DPP6: variants seen among roughly 807,000 people sequenced by gnomAD.
DPP6 encodes the protein A-type potassium channel modulatory protein DPP6.
In DPP6, 69 loss-of-function variants were observed where a neutral mutation model predicts 122.6. The ratio of observed to expected loss-of-function variants is 0.56; its 90% CI spans 0.46 to 0.69. DPP6 has a LOEUF of 0.69. Among genes scored for constraint, DPP6 ranks in the 30% least tolerant of loss-of-function variants. The pLI is 0.00. For synonymous variants in DPP6, 418 were observed against 433.1 expected (o/e 0.97, Z 0.43); for missense variants, 928 against 1,116.9 (o/e 0.83, Z 2.41).
chr7:154,017,658 C>T (rs1347107881), intron 1 of DPP6, among the ~76,000 whole-genome samples: 1 of 148,744 alleles, frequency 6.7e-6, no homozygotes, highest in Admixed American at 6.7e-5. Context: ...TATGATGGCA[C>T]CACTGCACTC....
the DPP6 span, among the ~76,000 whole-genome samples, chr7:153,797,932 T>C: frequency 6.6e-6 from 1 of 152,032 alleles, no homozygotes; most frequent in Non-Finnish European, 1.5e-5. Context: ...AGCTCCGCCT[T>C]CTGGGTTCAC....
At chr7:154,552,990 G>T (rs1026182650) in intron 4 of DPP6, among the ~76,000 whole-genome samples, 1 of 152,180 alleles carries the variant, frequency 6.6e-6, no homozygotes, top group South Asian at 2.1e-4. Context: ...TTTACTCAGG[G>T]ACAAGATGTC....
At chr7:154,806,722 G>T (rs1478144433) in intron 15 of DPP6, among the ~76,000 whole-genome samples, 1 of 152,216 alleles carries the variant, frequency 6.6e-6, no homozygotes, top group African/African-American at 2.4e-5. Flanking sequence ...AGAGCCTGGA[G>T]AAGGCAGCAT....
chr7:153,854,806 T>C, the DPP6 span, among the ~76,000 whole-genome samples: 9 of 91,692 alleles, frequency 9.8e-5, no homozygotes, highest in Admixed American at 2.5e-4. Context: ...TATTGCGGCA[T>C]TATTCACAAT....
intron 1 of DPP6, among the ~76,000 whole-genome samples, chr7:154,144,889 G>A (rs2150669957): frequency 6.6e-6 from 1 of 151,074 alleles, no homozygotes; most frequent in South Asian, 2.1e-4. Flanking sequence ...AACCCCTCCA[G>A]CACCTTGACC....
At chr7:154,235,945 C>T (rs765250849) in intron 1 of DPP6, among the ~76,000 whole-genome samples, 4 of 152,112 alleles carry the variant, frequency 2.6e-5, no homozygotes, top group South Asian at 2.1e-4. Context: ...CTCTGTCTCC[C>T]GGGTTTAAGA....
intron 1 of DPP6, among the ~76,000 whole-genome samples, chr7:154,245,761 A>G (rs1801946457): frequency 1.3e-5 from 2 of 152,204 alleles, no homozygotes; most frequent in South Asian, 2.1e-4. Flanking sequence ...TTAGAAAGAT[A>G]TAAACATCTA....
chr7:154,302,215 C>G (rs1482090641), intron 1 of DPP6, among the ~76,000 whole-genome samples: 3 of 152,168 alleles, frequency 2.0e-5, no homozygotes, highest in Admixed American at 6.5e-5. Flanking sequence ...CAACCACTAC[C>G]CTGTTCCTTT....
intron 25 of DPP6, chr7:154,889,971 C>T (rs868852788): frequency 7.8e-4 from 135 of 173,428 alleles, no homozygotes; most frequent in Middle Eastern, 5.4e-3. Context: ...TTACTACGCA[C>T]TAGCAGGATG....
intron 10 of DPP6, among the ~76,000 whole-genome samples, chr7:154,775,000 G>A (rs549423673): frequency 6.6e-6 from 1 of 152,292 alleles, no homozygotes; most frequent in East Asian, 1.9e-4. Flanking sequence ...GTGCTGTAGG[G>A]GGCAGTCCTG....
chr7:154,220,674 G>A (rs570546815), intron 1 of DPP6, among the ~76,000 whole-genome samples: 17 of 152,306 alleles, frequency 1.1e-4, no homozygotes, highest in South Asian at 4.1e-4. Context: ...CTGGATCTTG[G>A]AATTCCAGCC....
chr7:153,897,663 A>G (rs1286524423), intron 1 of DPP6, among the ~76,000 whole-genome samples: 2 of 152,182 alleles, frequency 1.3e-5, no homozygotes, highest in Non-Finnish European at 2.9e-5. Context: ...CTTATATATG[A>G]AAGTTTGATC....
chr7:154,707,484 C>T (rs1013960857), intron 7 of DPP6, among the ~76,000 whole-genome samples: 7 of 152,124 alleles, frequency 4.6e-5, no homozygotes, highest in East Asian at 1.9e-4. Context: ...AATACTCACT[C>T]AGAATAAACA....
chr7:154,775,883 C>A (rs1390536095), intron 10 of DPP6, among the ~76,000 whole-genome samples: 2 of 152,180 alleles, frequency 1.3e-5, no homozygotes, highest in Non-Finnish European at 2.9e-5. Context: ...TCCCTGCAGT[C>A]TCCCCATCAT....
chr7:154,456,542 G>A (rs952725391), intron 2 of DPP6, among the ~76,000 whole-genome samples: 28 of 144,434 alleles, frequency 1.9e-4, no homozygotes, highest in African/African-American at 7.1e-4. Flanking sequence ...GGCCTTGAAG[G>A]ATGCGGTAGG....
rs1198893018 is a variant in DPP6 at position 154,058,829 on chromosome 7, C to G, written c.243+5766C>G. 3 of 148,518 alleles carry G rather than the reference C, an allele frequency of 2.0e-5. No homozygotes were observed. The South Asian group carries it at 6.4e-4, about 32-fold the overall frequency. The allele number at this position is 148,518 out of a possible 1,614,324, so 9.2% of individuals were successfully genotyped here. ...CGACAGTGGGGACTGAGAGCTATCC[C>G]CTCTTCCGCCCCTGGCTGTTAGTAC... On this transcript the variant is annotated intron_variant, in intron 1 of 25. Coordinates refer to ENST00000377770, the MANE Select transcript of DPP6 (RefSeq NM_130797.4).
chr7:154,603,944 T>C lies in DPP6; in HGVS notation c.628-33877T>C, dbSNP rs1241020179. Among the ~76,000 whole-genome samples, 5 of 120,430 alleles carry C rather than the reference T, an allele frequency of 4.2e-5. 2 individuals are homozygous for C. Among genetic ancestry groups the C allele is most frequent in the African/African-American group, 7.9e-5 (3 of 37,912 alleles). The allele number at this position is 120,430 out of a possible 152,430, so 79.0% of individuals were successfully genotyped here. ...ATAAAGTTCTGTTTCTTGATTTGCA[T>C]GGTTGTTAGACCAGGTGGGTTCACT... is the stretch of plus-strand genomic sequence containing the variant. On this transcript the variant is annotated intron_variant, in intron 5 of 25. Transcript: ENST00000377770.
At chr7:154,794,303 T>G in intron 11 of DPP6, 101 bp downstream of exon 11, 24 of 1,402,368 alleles carry the variant, frequency 1.7e-5, no homozygotes, top group Non-Finnish European at 2.2e-5. Context: ...GGCCTGGGAC[T>G]TGGGGACCGG....
intron 1 of DPP6, among the ~76,000 whole-genome samples, chr7:154,129,212 T>G (rs1808180500): frequency 6.6e-6 from 1 of 152,124 alleles, no homozygotes; most frequent in South Asian, 2.1e-4. Flanking sequence ...GAACATTTCC[T>G]GCAATACACT....
Sources: allele counts gnomAD v4.1 joint callset (sites outside exome capture counted in the v4.1 genomes callset), GRCh38; gene constraint gnomAD v4.1.1; transcripts MANE v1.5; gene names NCBI Gene and HGNC (gene_info 2026-07-23, HGNC 2026-07-21).